Variants in AKR1B10 observed in about 807,000 individuals in gnomAD.
AKR1B10 encodes ARP.
Under a neutral mutation model 38.9 loss-of-function variants are expected in AKR1B10, and 39 were observed. That is an observed-to-expected ratio of 1.00 (90% CI 0.78 to 1.31). AKR1B10 has a LOEUF of 1.31. AKR1B10 is among the 50% of genes most tolerant of loss of function. AKR1B10 has a pLI of 0.00. For missense variants in AKR1B10, 361 were observed against 382.6 expected, an observed-to-expected ratio of 0.94 and a Z score of 0.47; for synonymous variants, 148 against 141.2, an observed-to-expected ratio of 1.05 and a Z score of -0.34.
intron 1 of AKR1B10, among the ~76,000 whole-genome samples, chr7:134,530,135 C>T (rs546144302): frequency 1.1e-4 from 16 of 152,200 alleles, no homozygotes; most frequent in African/African-American, 3.4e-4. Flanking sequence ...GGTGTAATGA[C>T]CATTATCCAG....
In AKR1B10 at chr7:134,538,967, G is replaced by T; in HGVS notation, c.858G>T (p.Met286Ile). ...VFDFKLSDEEMATILSFNRNW... is the reference protein window; with the variant it reads ...VFDFKLSDEEIATILSFNRNW... ...ACTTTAAATTGAGTGATGAGGAGAT[G>T]GCAACCATACTCAGCTTCAACAGAA... Residue 286 changes from methionine (M) to isoleucine (I), a missense_variant, in exon 9 of 10, where the codon ATG becomes ATT. Physicochemically the swap from Met to Ile is conservative, Grantham distance 10 (BLOSUM62 1). Transcript: ENST00000359579. 1 of 1,614,012 alleles carries T rather than the reference G, an allele frequency of 6.2e-7. No individual in the cohort carries two copies. The highest frequency in any genetic ancestry group is 8.5e-7 in the Non-Finnish European group (1 of 1,179,976).
Position 134,536,745 on chromosome 7 carries a change from A to G in AKR1B10, c.525A>G (p.Gly175=). ...TCGAGAAGCTCTTGAACAAACCTGG[A>G]CTGAAATATAAACCAGTGACTAACC... ...FQIEKLLNKP[G]LKYKPVTNQV... The change falls in exon 5 of 10, where the codon GGA becomes GGG. Residue 175 remains glycine, a synonymous_variant. Coordinates refer to ENST00000359579, the MANE Select transcript of AKR1B10 (RefSeq NM_020299.5). 2 of 1,613,894 alleles carry G rather than the reference A, an allele frequency of 1.2e-6. No individual in the cohort carries two copies. The highest frequency in any genetic ancestry group is 1.7e-6 in the Non-Finnish European group (2 of 1,179,820).
At position 134,527,955 on chromosome 7, in the gene AKR1B10, T is replaced by C. The variant is rs1330607273; in HGVS notation, c.44T>C (p.Ile15Thr). The C allele has an allele frequency of 2.5e-6, 4 of 1,613,978 alleles. No individual in the cohort carries two copies. Among genetic ancestry groups the C allele is most frequent in the Non-Finnish European group, 2.5e-6 (3 of 1,179,944 alleles). The change falls in exon 1 of 10, where the codon ATT becomes ACT. Residue 15 changes from isoleucine to threonine, a missense_variant. Ile to Thr is a moderately conservative substitution (Grantham distance 89, BLOSUM62 -1). Around this residue, in one of 3 missense-constraint regions of AKR1B10, gnomAD observed 220 missense variants for 216.1 expected, o/e 1.02. Coordinates refer to ENST00000359579, the MANE Select transcript of AKR1B10 (RefSeq NM_020299.5). Reference protein sequence around the residue: ...VELSTKAKMPIVGLGTWKSPL... With the variant: ...VELSTKAKMPTVGLGTWKSPL... ...CTCAGTACCAAAGCCAAGATGCCCATTGTGGGCCTGGGCACTTGGAAGGTA... is the reference window on the plus strand; with the variant it reads ...CTCAGTACCAAAGCCAAGATGCCCACTGTGGGCCTGGGCACTTGGAAGGTA...
chr7:134,539,432 A>T (rs1177139725), intron 9 of AKR1B10, among the ~76,000 whole-genome samples: 3 of 152,184 alleles, frequency 2.0e-5, no homozygotes, highest in Admixed American at 6.5e-5. Flanking sequence ...CTCAAAATAT[A>T]GATGTCAGAC....
At chr7:134,538,592 G>A (rs1562932065) in intron 8 of AKR1B10, among the ~76,000 whole-genome samples, 1 of 152,158 alleles carries the variant, frequency 6.6e-6, no homozygotes, top group Non-Finnish European at 1.5e-5. Context: ...GACTGTCCTG[G>A]CCTCCCTGCT....
Position 134,541,032 on chromosome 7 carries a change from T to C in AKR1B10, c.909-15T>C. 1 of 1,555,670 alleles carries C rather than the reference T, an allele frequency of 6.4e-7. No homozygotes were observed. The highest frequency in any genetic ancestry group is 8.8e-7 in the Non-Finnish European group (1 of 1,130,440). On this transcript the variant is annotated splice_polypyrimidine_tract_variant and intron_variant, in intron 9 of 9. Transcript: ENST00000359579. ...ACTCAGTTTCTCTGTTTTTGTTTTT[T>C]GTTCTTTCCTGCAGATCCTCTCATT...
chr7:134,536,844 A>G (rs1270052674), intron 5 of AKR1B10, 72 bp downstream of exon 5: 13 of 1,600,198 alleles, frequency 8.1e-6, no homozygotes, highest in Admixed American at 1.7e-5. Flanking sequence ...GGAATGTTCA[A>G]TGCTATGCCC....
chr7:134,532,911 G>GT (rs1452020537), intron 3 of AKR1B10, 93 bp from the exon 4 acceptor site: 1 of 1,025,794 alleles, frequency 9.7e-7, no homozygotes, highest in African/African-American at 1.6e-5. Flanking sequence ...TGCAGATGTG[G>GT]TATTTAGCAA....
intron 9 of AKR1B10, among the ~76,000 whole-genome samples, chr7:134,540,350 C>A (rs1225994271): frequency 6.6e-6 from 1 of 152,098 alleles, no homozygotes; most frequent in East Asian, 1.9e-4. Flanking sequence ...TGGAGCTTAA[C>A]AAAGTAGTAG....
chr7:134,541,213 G>A lies in AKR1B10; in HGVS notation c.*124G>A. On this transcript the variant is annotated 3_prime_UTR_variant, in exon 10 of 10. Transcript: ENST00000359579. The stretch of plus-strand genomic sequence containing the variant: ...TCACAGTGAACTTAGTCCTGTTATA[G>A]ACGAGAATCGAGGTGCTGTTTTAGA... The A allele has an allele frequency of 1.4e-6, 1 of 699,330 alleles. No homozygotes were observed. Among genetic ancestry groups the A allele is most frequent in the Non-Finnish European group, 2.4e-6 (1 of 418,240 alleles). The allele number at this position is 699,330 out of a possible 1,614,324, so 43.3% of individuals were successfully genotyped here.
chr7:134,535,544 C>T (rs1393992253), intron 4 of AKR1B10: 4 of 928,310 alleles, frequency 4.3e-6, no homozygotes, highest in Non-Finnish European at 5.1e-6. Flanking sequence ...TTGCTCCTGC[C>T]TTCCTGTGTC....
intron 4 of AKR1B10, 122 bp downstream of exon 4, chr7:134,533,203 A>G (rs1218438466): frequency 1.5e-5 from 12 of 800,404 alleles, no homozygotes; most frequent in Non-Finnish European, 2.1e-5. Context: ...GTGATTTTCT[A>G]GCTCTTCTAA....
chr7:134,530,272 A>G lies in AKR1B10; in HGVS notation c.67-371A>G, dbSNP rs1807812268. Among the ~76,000 whole-genome samples, 5 of 152,234 alleles carry G rather than the reference A, an allele frequency of 3.3e-5. No homozygotes were observed. The South Asian group carries it at 8.3e-4, about 25-fold the overall frequency. On this transcript the variant is annotated intron_variant, in intron 1 of 9. Transcript: ENST00000359579. ...ACCCCCACACACCTGAAGACATTTCAGGACTAACCTGGATGAAAAGGGAAC... is the reference window on the plus strand; with the variant it reads ...ACCCCCACACACCTGAAGACATTTCGGGACTAACCTGGATGAAAAGGGAAC...
intron 6 of AKR1B10, among the ~76,000 whole-genome samples, 183 bp downstream of exon 6, chr7:134,537,340 C>T (rs1173910976): frequency 6.6e-6 from 1 of 152,000 alleles, no homozygotes; most frequent in African/African-American, 2.4e-5. Flanking sequence ...ACAACAACAC[C>T]AAGGGCGACA....
At chr7:134,533,347 C>A (rs757296374) in intron 4 of AKR1B10, among the ~76,000 whole-genome samples, 1 of 152,052 alleles carries the variant, frequency 6.6e-6, no homozygotes, top group African/African-American at 2.4e-5. Context: ...CAAACCAGGG[C>A]GAGGCATTTG....
intron 2 of AKR1B10, among the ~76,000 whole-genome samples, chr7:134,531,061 C>T (rs1394225964): frequency 2.0e-5 from 3 of 152,170 alleles, no homozygotes; most frequent in Non-Finnish European, 4.4e-5. Flanking sequence ...CCTGCACTGC[C>T]CTGGGCCTCC....
chr7:134,538,869 C>T, intron 8 of AKR1B10, 66 bp from the exon 9 acceptor site: 1 of 1,583,444 alleles, frequency 6.3e-7, no homozygotes, highest in South Asian at 1.1e-5. Context: ...GCTAGAATGG[C>T]CGGCAGTCTC....
Position 134,527,975 on chromosome 7 carries a change from A to T in AKR1B10, c.64A>T (p.Lys22Ter). The change falls in exon 1 of 10, where the codon AAG becomes TAG. Residue 22 changes from lysine to a stop codon, truncating the protein, a stop_gained and splice_region_variant. Coordinates refer to ENST00000359579, the MANE Select transcript of AKR1B10 (RefSeq NM_020299.5). LOFTEE classifies it high-confidence loss of function. ...GCCCATTGTGGGCCTGGGCACTTGG[A>T]AGGTAAATATGCAAATCTTTGCACA... Reference protein sequence around the residue: ...KMPIVGLGTWKSPLGKVKEAV... With the variant: ...KMPIVGLGTW The T allele has an allele frequency of 6.2e-7, 1 of 1,613,962 alleles. No individual in the cohort carries two copies. The highest frequency in any genetic ancestry group is 1.1e-5 in the South Asian group (1 of 91,068).
chr7:134,528,863 A>G (rs527421934), intron 1 of AKR1B10, among the ~76,000 whole-genome samples: 53 of 152,294 alleles, frequency 3.5e-4, no homozygotes, highest in African/African-American at 1.2e-3. Context: ...GTACACATTG[A>G]AATCTGCAAC....
Sources: allele counts gnomAD v4.1 joint callset (sites outside exome capture counted in the v4.1 genomes callset), GRCh38; gene constraint gnomAD v4.1.1; regional missense constraint gnomAD v4.1.1; transcripts MANE v1.5; gene names NCBI Gene and HGNC (gene_info 2026-07-23, HGNC 2026-07-21).